The following ZBTB40 variants were observed in gnomAD, a reference collection of about 807,000 sequenced individuals.
ZBTB40 encodes the protein zinc finger and BTB domain-containing protein 40.
A neutral mutation model predicts 117.5 loss-of-function variants in ZBTB40; 60 were observed. The ratio of observed to expected loss-of-function variants is 0.51; its 90% CI spans 0.41 to 0.63. ZBTB40 has a LOEUF of 0.63. ZBTB40 is among the 30% of genes least tolerant of loss of function. The pLI, the probability that ZBTB40 is intolerant of heterozygous loss-of-function variation, is 0.00. For synonymous variants in ZBTB40, 525 were observed against 577.1 expected, an observed-to-expected ratio of 0.91 and a Z score of 1.29; for missense variants, 1,287 against 1,498.5, an observed-to-expected ratio of 0.86 and a Z score of 2.33.
rs546205377 is a variant in ZBTB40 at position 22,459,037 on chromosome 1, C to T, written c.-70+7033C>T. On this transcript the variant is annotated intron_variant, in intron 1 of 17. Transcript: ENST00000375647. ...GTTAAAGTTTTGGGGTTTTGCCAAT[C>T]TGTCAGGTAAGAAATAATATTTCAG... Among the ~76,000 whole-genome samples the T allele has an allele frequency of 3.3e-5, 5 of 152,302 alleles. No individual in the cohort carries two copies. In the South Asian group the frequency reaches 1.0e-3, roughly 32 times the overall value.
chr1:22,490,176 A>T lies in ZBTB40; in HGVS notation c.228A>T (p.Glu76Asp), dbSNP rs1638585452. The T allele has an allele frequency of 6.2e-7, 1 of 1,614,036 alleles. No individual in the cohort carries two copies. Among genetic ancestry groups the T allele is most frequent in the Admixed American group, 1.7e-5 (1 of 59,996 alleles). Residue 76 changes from glutamate (E) to aspartate (D), a missense_variant, in exon 2 of 18, where the codon GAA becomes GAT. Glu to Asp is a conservative substitution (Grantham distance 45, BLOSUM62 2). Transcript: ENST00000375647. ...CCGAGGAGTTTGCGCTCTTGTTGGAAATGATGTACACGGGCAAACTACCTG... is the reference window on the plus strand; with the variant it reads ...CCGAGGAGTTTGCGCTCTTGTTGGATATGATGTACACGGGCAAACTACCTG... ...VSPEEFALLL[E>D]MMYTGKLPVG...
intron 10 of ZBTB40, 87 bp from the exon 11 acceptor site, chr1:22,511,589 G>T: frequency 7.0e-7 from 1 of 1,434,524 alleles, no homozygotes; most frequent in Non-Finnish European, 9.5e-7. Flanking sequence ...GTAGTCTCTA[G>T]TCTCCTGTAA....
chr1:22,475,059 G>A (rs1170000825), intron 1 of ZBTB40, among the ~76,000 whole-genome samples: 1 of 151,982 alleles, frequency 6.6e-6, no homozygotes, highest in African/African-American at 2.4e-5. Flanking sequence ...AGACAGAATC[G>A]AAGACCTTGA....
rs1298434510 is a variant in ZBTB40, at chr1:22,526,830, C to G, written c.*434C>G. On this transcript the variant is annotated 3_prime_UTR_variant, in exon 18 of 18. Transcript: ENST00000375647. ...CCACAGTGGGGGCTGCAAATGCTGC[C>G]ACTGCCTCTGGCCATTTAAAGTGAG... is the stretch of plus-strand genomic sequence containing the variant. 3.5e-6 allele frequency: 1 copy of G among 286,190 alleles called. No homozygotes were observed. Among genetic ancestry groups the G allele is most frequent in the African/African-American group, 2.2e-5 (1 of 45,706 alleles). 17.7% of individuals were successfully genotyped at this position (286,190 alleles called of 1,614,324 possible).
chr1:22,521,482 C>T lies in ZBTB40; in HGVS notation c.3049-14C>T. ...GAACTTTCTAAGACCTAACACTTGC[C>T]AAATTCCTTGCAGCAATTGTCTGGT... On this transcript the variant is annotated splice_polypyrimidine_tract_variant and intron_variant, in intron 14 of 17. Coordinates refer to ENST00000375647, the MANE Select transcript of ZBTB40 (RefSeq NM_014870.4). 6.2e-7 allele frequency: 1 copy of T among 1,614,162 alleles called. No individual in the cohort carries two copies. The highest frequency in any genetic ancestry group is 1.1e-5 in the South Asian group (1 of 91,070).
chr1:22,431,384 G>GTATGTA (rs1553128041), intron 1 of ZBTB40, among the ~76,000 whole-genome samples: 1 of 119,710 alleles, frequency 8.4e-6, no homozygotes, highest in Admixed American at 9.8e-5. Context: ...GTGTGTGTGT[G>GTATGTA]TATATATATA....
chr1:22,490,359 CAGAA>C lies in ZBTB40; in HGVS notation c.414_417del (p.Lys139AsnfsTer7), dbSNP rs1638592548. On this transcript the variant is annotated frameshift_variant, in exon 2 of 18. Coordinates refer to ENST00000375647, the MANE Select transcript of ZBTB40 (RefSeq NM_014870.4). LOFTEE classifies it high-confidence loss of function. ...TCTCTGCGCCATCCTCAGAGACATT[CAGAA>C]AGGAACCAGAGAAGCCTCAAGTAGA... The C allele has an allele frequency of 6.2e-7, 1 of 1,613,974 alleles. No individual in the cohort carries two copies. The highest frequency in any genetic ancestry group is 1.3e-5 in the African/African-American group (1 of 74,898).
chr1:22,524,257 T>C lies in ZBTB40; in HGVS notation c.3338T>C (p.Phe1113Ser). 1.2e-6 allele frequency: 2 copies of C among 1,614,184 alleles called. No homozygotes were observed. The highest frequency in any genetic ancestry group is 1.3e-5 in the African/African-American group (1 of 75,026). The change falls in exon 17 of 18, where the codon TTC becomes TCC. Residue 1113 changes from phenylalanine to serine, a missense_variant. Physicochemically the swap from Phe to Ser is radical, Grantham distance 155. Transcript: ENST00000375647. ...PFRCLYCAAT[F>S]RFPGALQHHV... ...CGGTGCTTGTACTGTGCTGCTACTT[T>C]CCGTTTTCCTGGAGCATTGCAGCAC...
intron 1 of ZBTB40, among the ~76,000 whole-genome samples, chr1:22,464,437 A>T (rs1246623461): frequency 3.9e-5 from 6 of 152,174 alleles, no homozygotes; most frequent in African/African-American, 1.2e-4. Context: ...CCTACCCTAG[A>T]CTTATGTCAG....
At chr1:22,491,611 G>C in intron 3 of ZBTB40, 78 bp downstream of exon 3, 1 of 1,450,444 alleles carries the variant, frequency 6.9e-7, no homozygotes, top group East Asian at 2.3e-5. Context: ...ATATGGGGCA[G>C]AAATAGCCCA....
intron 1 of ZBTB40, among the ~76,000 whole-genome samples, chr1:22,462,574 A>G (rs1641156689): frequency 6.6e-6 from 1 of 152,232 alleles, no homozygotes. Flanking sequence ...TAACGGGAAG[A>G]GTCTCATTTC....
At chr1:22,431,014 T>TTA (rs1370550435) in intron 1 of ZBTB40, among the ~76,000 whole-genome samples, 1 of 151,868 alleles carries the variant, frequency 6.6e-6, no homozygotes, top group Non-Finnish European at 1.5e-5. Flanking sequence ...GTGGATGAAG[T>TTA]TATATATATA....
intron 1 of ZBTB40, among the ~76,000 whole-genome samples, chr1:22,468,643 CTTTTTTTTTT>C (rs71020424): frequency 7.0e-5 from 2 of 28,600 alleles, no homozygotes; most frequent in Admixed American, 6.5e-4. Flanking sequence ...GCCTGGCTGG[CTTTTTTTTTT>C]TTTTTTTTTT....
At chr1:22,508,948 T>C (rs1639152988) in intron 8 of ZBTB40, 152 bp from the exon 9 acceptor site, 2 of 1,206,782 alleles carry the variant, frequency 1.7e-6, no homozygotes, top group African/African-American at 3.0e-5. Context: ...ATACTCTGAT[T>C]ACAGTGCTAT....
At chr1:22,457,753 C>T (rs1017630110) in intron 1 of ZBTB40, among the ~76,000 whole-genome samples, 5 of 152,142 alleles carry the variant, frequency 3.3e-5, no homozygotes, top group Non-Finnish European at 4.4e-5. Flanking sequence ...CAAAGGTGAA[C>T]GGTAGGTGAT....
chr1:22,433,846 G>T, intron 1 of ZBTB40, among the ~76,000 whole-genome samples: 1 of 151,714 alleles, frequency 6.6e-6, no homozygotes, highest in South Asian at 2.1e-4. Flanking sequence ...GCCATTATAT[G>T]GATGTATCAC....
intron 1 of ZBTB40, among the ~76,000 whole-genome samples, chr1:22,445,837 A>G (rs1640782264): frequency 7.0e-6 from 1 of 141,910 alleles, no homozygotes; most frequent in African/African-American, 2.6e-5. Context: ...CCTGGGCAAT[A>G]GCGCAAGACT....
chr1:22,439,519 C>T (rs190423477), intron 1 of ZBTB40, among the ~76,000 whole-genome samples: 130 of 152,236 alleles, frequency 8.5e-4, no homozygotes, highest in Non-Finnish European at 1.3e-3. Context: ...TTTTTGTATA[C>T]GGTGTTAAAT....
At chr1:22,466,544 C>T (rs1364612556) in intron 1 of ZBTB40, among the ~76,000 whole-genome samples, 1 of 152,090 alleles carries the variant, frequency 6.6e-6, no homozygotes, top group South Asian at 2.1e-4. Flanking sequence ...CTCAGCAACA[C>T]TTGTATTTTC....
Sources: allele counts gnomAD v4.1 joint callset (sites outside exome capture counted in the v4.1 genomes callset), GRCh38; gene constraint gnomAD v4.1.1; transcripts MANE v1.5; gene names NCBI Gene and HGNC (gene_info 2026-07-23, HGNC 2026-07-21).